NRG1: variants seen among roughly 807,000 people sequenced by gnomAD.
NRG1 encodes the protein pro-neuregulin-1, membrane-bound isoform.
NRG1 carries 18 observed loss-of-function variants against 63.8 expected under a neutral mutation model. The ratio of observed to expected loss-of-function variants is 0.28; its 90% CI spans 0.19 to 0.42. The LOEUF (loss-of-function observed/expected upper bound fraction) is 0.42, where lower values mean the gene tolerates loss of function less well. Ranked by LOEUF, NRG1 falls within the 10% of genes least tolerant of loss-of-function variation. NRG1 has a pLI of 1.00. For synonymous variants in NRG1, 302 were observed against 301.3 expected, an observed-to-expected ratio of 1.00 and a Z score of -0.02; for missense variants, 762 against 814.7, an observed-to-expected ratio of 0.94 and a Z score of 0.79.
intron 1 of NRG1, among the ~76,000 whole-genome samples, chr8:32,024,090 C>T (rs1816872194): frequency 6.6e-6 from 1 of 152,138 alleles, no homozygotes; most frequent in Admixed American, 6.5e-5. Flanking sequence ...GCTTCATTGC[C>T]CTGCCTAAAC....
At chr8:32,730,319 G>C (rs898902742) in intron 6 of NRG1, among the ~76,000 whole-genome samples, 1 of 152,098 alleles carries the variant, frequency 6.6e-6, no homozygotes, top group Non-Finnish European at 1.5e-5. Context: ...CGGGCATGGT[G>C]GCATGCACCT....
intron 1 of NRG1, among the ~76,000 whole-genome samples, chr8:31,720,979 A>G (rs892635629): frequency 1.5e-4 from 23 of 152,182 alleles, no homozygotes; most frequent in Non-Finnish European, 2.5e-4. Flanking sequence ...CAGAACTGAT[A>G]GAGGGAAGCC....
intron 1 of NRG1, among the ~76,000 whole-genome samples, chr8:31,737,494 A>C (rs187473304): frequency 2.6e-5 from 4 of 152,254 alleles, no homozygotes; most frequent in Non-Finnish European, 5.9e-5. Flanking sequence ...TGACTTATTG[A>C]ACAGATAAAT....
At chr8:31,939,871 A>G (rs1173125116) in intron 1 of NRG1, among the ~76,000 whole-genome samples, 1 of 152,174 alleles carries the variant, frequency 6.6e-6, no homozygotes, top group African/African-American at 2.4e-5. Context: ...AAATACCGCA[A>G]TTCTAAATAT....
chr8:31,902,080 TA>T (rs915554998), intron 1 of NRG1, among the ~76,000 whole-genome samples: 10 of 151,378 alleles, frequency 6.6e-5, no homozygotes, highest in African/African-American at 1.9e-4. Context: ...TTTAAAAATT[TA>T]AAAAAAAAGT....
At chr8:32,180,692 C>T (rs1397508363) in intron 1 of NRG1, among the ~76,000 whole-genome samples, 4 of 152,058 alleles carry the variant, frequency 2.6e-5, no homozygotes, top group African/African-American at 9.7e-5. Context: ...TATATGTATA[C>T]ATTGTGGCAT....
chr8:31,668,483 AC>A (rs1187964928), intron 1 of NRG1, among the ~76,000 whole-genome samples: 62 of 152,336 alleles, frequency 4.1e-4, no homozygotes, highest in African/African-American at 1.5e-3. Flanking sequence ...TGGACAGTGT[AC>A]AAAGAGTACT....
intron 1 of NRG1, among the ~76,000 whole-genome samples, chr8:32,106,376 A>T (rs1831263065): frequency 6.6e-6 from 1 of 152,228 alleles, no homozygotes; most frequent in Non-Finnish European, 1.5e-5. Context: ...TATTTTGATT[A>T]TATGACTCTG....
At chr8:31,704,272 A>T (rs543968924) in intron 1 of NRG1, among the ~76,000 whole-genome samples, 2 of 152,190 alleles carry the variant, frequency 1.3e-5, no homozygotes, top group African/African-American at 4.8e-5. Context: ...TCTCTCTATT[A>T]TATTACATGC....
At chr8:31,983,974 G>GT (rs1373719059) in intron 1 of NRG1, among the ~76,000 whole-genome samples, 1 of 152,034 alleles carries the variant, frequency 6.6e-6, no homozygotes. Flanking sequence ...TTTTGATATC[G>GT]TTGCTGAGTT....
At chr8:31,734,584 C>A (rs537920249) in intron 1 of NRG1, among the ~76,000 whole-genome samples, 3 of 152,236 alleles carry the variant, frequency 2.0e-5, no homozygotes, top group Admixed American at 6.5e-5. Context: ...TGGTTAACTG[C>A]ATTTTAAATT....
chr8:32,417,346 C>T (rs949793214), intron 1 of NRG1, among the ~76,000 whole-genome samples: 2 of 152,034 alleles, frequency 1.3e-5, no homozygotes, highest in Non-Finnish European at 2.9e-5. Context: ...TTGAACTCTC[C>T]CCAATTCAAT....
intron 1 of NRG1, among the ~76,000 whole-genome samples, chr8:32,250,491 C>A (rs1279401359): frequency 6.6e-6 from 1 of 152,112 alleles, no homozygotes; most frequent in Non-Finnish European, 1.5e-5. Flanking sequence ...TTTCATAACA[C>A]AAAACTTCAC....
chr8:32,725,497 A>G (rs1437259232), intron 5 of NRG1, among the ~76,000 whole-genome samples: 2 of 80,140 alleles, frequency 2.5e-5, no homozygotes, highest in African/African-American at 1.1e-4. Flanking sequence ...TTTTTTTGAG[A>G]CAGAGTTTCT....
intron 1 of NRG1, among the ~76,000 whole-genome samples, chr8:31,847,845 A>G (rs1052095889): frequency 1.3e-5 from 2 of 152,228 alleles, no homozygotes; most frequent in Admixed American, 6.5e-5. Flanking sequence ...TGTTGTATCA[A>G]TCCATAACAT....
chr8:31,858,265 C>G (rs1209132791), intron 1 of NRG1, among the ~76,000 whole-genome samples: 1 of 151,466 alleles, frequency 6.6e-6, no homozygotes, highest in African/African-American at 2.4e-5. Flanking sequence ...CGCCACTGCA[C>G]TCCATCCTGG....
At chr8:32,264,386 C>T (rs1586490661) in intron 1 of NRG1, among the ~76,000 whole-genome samples, 1 of 151,958 alleles carries the variant, frequency 6.6e-6, no homozygotes, top group Middle Eastern at 3.4e-3. Context: ...ACATTAAAGA[C>T]AGAGGTAACA....
intron 5 of NRG1, among the ~76,000 whole-genome samples, chr8:32,727,006 A>G (rs932332838): frequency 2.0e-5 from 3 of 152,096 alleles, no homozygotes; most frequent in Non-Finnish European, 4.4e-5. Context: ...TCATTGATAA[A>G]CATTGTGTAT....
chr8:32,444,432 G>A (rs966626173), intron 1 of NRG1, among the ~76,000 whole-genome samples: 2 of 152,148 alleles, frequency 1.3e-5, no homozygotes, highest in African/African-American at 4.8e-5. Flanking sequence ...GAGCCACCAT[G>A]TCCAGCCCAA....
Sources: gnomAD v4.1 joint callset for allele counts (sites outside exome capture counted in the v4.1 genomes callset) on GRCh38, gnomAD v4.1.1 for gene constraint, MANE v1.5 for transcripts, NCBI Gene and HGNC (gene_info 2026-07-23, HGNC 2026-07-21) for gene names.